The following IQCK variants were observed in gnomAD, a reference collection of about 807,000 sequenced individuals.
IQCK encodes IQ domain-containing protein K.
A neutral mutation model predicts 28.1 loss-of-function variants in IQCK; 29 were observed. The observed-to-expected ratio is 1.03, with a 90% CI of 0.77 to 1.41. IQCK has a LOEUF of 1.41. Ranked by LOEUF, IQCK falls within the 40% of genes most tolerant of loss-of-function variation. The probability of loss-of-function intolerance (pLI) is 0.00; values close to 1 mark genes in which losing one functional copy is unlikely to be tolerated. For missense variants in IQCK, 359 were observed against 314.7 expected, an observed-to-expected ratio of 1.14 and a Z score of -1.07; for synonymous variants, 113 against 115.1, an observed-to-expected ratio of 0.98 and a Z score of 0.12.
At chr16:19,846,697 A>G (rs1285778024) in intron 9 of IQCK, among the ~76,000 whole-genome samples, 3 of 152,228 alleles carry the variant, frequency 2.0e-5, no homozygotes, top group African/African-American at 7.2e-5. Context: ...TGGTACTGTC[A>G]AGAAATGGAG....
intron 6 of IQCK, among the ~76,000 whole-genome samples, chr16:19,768,241 T>C (rs1319749834): frequency 1.3e-5 from 2 of 152,152 alleles, no homozygotes; most frequent in African/African-American, 4.8e-5. Context: ...AAGTTGACCA[T>C]GAAGTGAGAT....
At chr16:19,722,637 C>T (rs1243559676) in intron 1 of IQCK, among the ~76,000 whole-genome samples, 3 of 152,152 alleles carry the variant, frequency 2.0e-5, no homozygotes, top group African/African-American at 7.2e-5. Context: ...TAACTGCAGG[C>T]ACTGTTTTAG....
chr16:19,838,592 T>TGTGGCTGCCAAACGTTGC (rs2056325727), intron 9 of IQCK, among the ~76,000 whole-genome samples: 1 of 152,210 alleles, frequency 6.6e-6, no homozygotes, highest in Non-Finnish European at 1.5e-5. Context: ...ATTGCCTACC[T>TGTGGCTGCCAAACGTTGC]GTGGCTGCCA....
rs182016950 is a variant in IQCK, at chr16:19,806,546, T to C, written c.690+17624T>C. Among the ~76,000 whole-genome samples the C allele has an allele frequency of 3.8e-3, 566 of 148,978 alleles. 8 individuals are homozygous for C. Among genetic ancestry groups the C allele is most frequent in the Middle Eastern group, 0.018 (5 of 284 alleles). ...ACAAAAAATACAAAAAAAAAATAGC[T>C]GAGTGTGGTGGCACACACCTGTAGT... On this transcript the variant is annotated intron_variant, in intron 7 of 7. Transcript: ENST00000564186.
At chr16:19,830,518 C>G (rs1048308871), downstream of IQCK, among the ~76,000 whole-genome samples, 1 of 152,136 alleles carries the variant, frequency 6.6e-6, no homozygotes, top group Non-Finnish European at 1.5e-5. Flanking sequence ...CAAGAAACAC[C>G]TCTTCAGTAA....
At chr16:19,756,054 C>G (rs559427320) in intron 4 of IQCK, among the ~76,000 whole-genome samples, 1 of 152,278 alleles carries the variant, frequency 6.6e-6, no homozygotes, top group African/African-American at 2.4e-5. Flanking sequence ...CCTGGTGTTG[C>G]ATACCTGTAG....
chr16:19,752,059 C>T (rs1458477465), intron 4 of IQCK, among the ~76,000 whole-genome samples: 2 of 152,036 alleles, frequency 1.3e-5, no homozygotes, highest in African/African-American at 4.8e-5. Context: ...CCTGCTCTAC[C>T]GTGACCTGCA....
chr16:19,751,485 GATAA>G (rs1232344254), intron 4 of IQCK, among the ~76,000 whole-genome samples: 1 of 151,908 alleles, frequency 6.6e-6, no homozygotes, highest in Non-Finnish European at 1.5e-5. Flanking sequence ...CTTTAAAAAA[GATAA>G]ATAAATAAAA....
At chr16:19,749,389 A>G (rs2054955598) in intron 4 of IQCK, among the ~76,000 whole-genome samples, 1 of 152,172 alleles carries the variant, frequency 6.6e-6, no homozygotes, top group Non-Finnish European at 1.5e-5. Flanking sequence ...TCTACCTATT[A>G]TCTGTAATAG....
intron 4 of IQCK, among the ~76,000 whole-genome samples, chr16:19,739,389 G>A (rs540349755): frequency 6.6e-6 from 1 of 152,326 alleles, no homozygotes; most frequent in South Asian, 2.1e-4. Context: ...GCACTCTGCT[G>A]ATGAGAACTG....
At chr16:19,777,312 C>T (rs915886777) in intron 6 of IQCK, among the ~76,000 whole-genome samples, 3 of 152,098 alleles carry the variant, frequency 2.0e-5, no homozygotes, top group African/African-American at 7.2e-5. Flanking sequence ...AAGCTCCAGT[C>T]GCTTGATGAT....
At chr16:19,736,984 C>CAAAAAA (rs55687544) in intron 4 of IQCK, among the ~76,000 whole-genome samples, 2 of 67,022 alleles carry the variant, frequency 3.0e-5, no homozygotes, top group African/African-American at 4.0e-5. Context: ...CCGGTATTTA[C>CAAAAAA]AAAAAAAAAA....
rs549644418 is a variant in IQCK, at chr16:19,826,578, A to G, written c.691-448A>G. Among the ~76,000 whole-genome samples the G allele has an allele frequency of 3.0e-4, 45 of 152,274 alleles. 3 individuals carry two copies. In the South Asian group the frequency reaches 8.5e-3, roughly 29 times the overall value. On this transcript the variant is annotated intron_variant, in intron 7 of 7. Transcript: ENST00000564186. Reference sequence around the variant, plus strand: ...TTTTTAGTAGAGAGGGGGTTTCACCATGTTGGCCAGGCTGGTCTCGAACTC... The same window carrying G: ...TTTTTAGTAGAGAGGGGGTTTCACCGTGTTGGCCAGGCTGGTCTCGAACTC...
rs537704727 is a variant in IQCK at position 19,735,361 on chromosome 16, A to G, written c.385A>G (p.Lys129Glu). ...TTGTTTGTTTGTTTTAGGTTCTCCC[A>G]AAGAATATTTGGAAACTTTCATCTT... The change falls in exon 4 of 8, where the codon AAA becomes GAA. Residue 129 changes from lysine to glutamate, a missense_variant. Transcript: ENST00000564186. The G allele has an allele frequency of 1.8e-5, 29 of 1,613,334 alleles. No homozygotes were observed. Among genetic ancestry groups the G allele is most frequent in the Non-Finnish European group, 2.5e-5 (29 of 1,179,418 alleles).
chr16:19,828,856 A>G (rs1027012574), downstream of IQCK, among the ~76,000 whole-genome samples: 1 of 142,710 alleles, frequency 7.0e-6, no homozygotes, highest in Non-Finnish European at 1.5e-5. Flanking sequence ...GTCTCAAAAA[A>G]AATATATATA....
chr16:19,757,292 A>G (rs570239635), intron 4 of IQCK, among the ~76,000 whole-genome samples: 1 of 152,326 alleles, frequency 6.6e-6, no homozygotes, highest in East Asian at 1.9e-4. Flanking sequence ...TTCTCTTCTC[A>G]GCCTTCAGTC....
At chr16:19,718,920 A>G (rs1255848276) in intron 1 of IQCK, among the ~76,000 whole-genome samples, 2 of 152,338 alleles carry the variant, frequency 1.3e-5, no homozygotes, top group Admixed American at 1.3e-4. Flanking sequence ...CACCCCAGGT[A>G]ATCCTAACGT....
intron 9 of IQCK, among the ~76,000 whole-genome samples, chr16:19,856,097 T>C (rs1241685815): frequency 6.6e-6 from 1 of 152,112 alleles, no homozygotes; most frequent in African/African-American, 2.4e-5. Flanking sequence ...AGTGATACCC[T>C]GAGTTTTCCA....
chr16:19,783,523 C>T (rs1264400694), intron 6 of IQCK, among the ~76,000 whole-genome samples: 1 of 151,688 alleles, frequency 6.6e-6, no homozygotes, highest in Non-Finnish European at 1.5e-5. Context: ...TCTCCCCTCC[C>T]TAGTTCCCTG....
Sources: allele counts gnomAD v4.1 joint callset (sites outside exome capture counted in the v4.1 genomes callset), GRCh38; gene constraint gnomAD v4.1.1; transcripts MANE v1.5; gene names NCBI Gene and HGNC (gene_info 2026-07-23, HGNC 2026-07-21).